Variants in PPP2R2B observed in about 807,000 individuals in gnomAD.
PPP2R2B encodes serine/threonine-protein phosphatase 2A 55 kDa regulatory subunit B beta isoform.
In PPP2R2B, 5 loss-of-function variants were observed where a neutral mutation model predicts 46.0. The observed-to-expected ratio is 0.11, with a 90% CI of 0.06 to 0.23. The LOEUF (loss-of-function observed/expected upper bound fraction) is 0.23. PPP2R2B is among the 10% of genes least tolerant of loss of function. The pLI is 1.00. For missense variants in PPP2R2B, 367 were observed against 575.0 expected (o/e 0.64, Z 3.70); for synonymous variants, 215 against 206.7 (o/e 1.04, Z -0.34).
At chr5:146,878,834 C>A, upstream of PPP2R2B, 2 of 1,246,788 alleles carry the variant, frequency 1.6e-6, no homozygotes, top group East Asian at 3.7e-5. This position sits in a 1 kb window ranked among gnomAD's most constrained non-coding sequence, Gnocchi z 4.5. Context: ...GACTCTTTCC[C>A]AGCAGCAGTG....
intron 2 of PPP2R2B, among the ~76,000 whole-genome samples, chr5:146,829,838 A>G (rs917326956): frequency 1.3e-5 from 2 of 152,132 alleles, no homozygotes; most frequent in African/African-American, 2.4e-5. Flanking sequence ...AATTTTGATA[A>G]TCTATTTTCA....
chr5:146,666,507 G>A (rs1298447886), intron 5 of PPP2R2B, among the ~76,000 whole-genome samples: 1 of 152,308 alleles, frequency 6.6e-6, no homozygotes, highest in East Asian at 1.9e-4. Context: ...CATCTTTAAT[G>A]AGCACAACTT....
At chr5:147,020,167 T>C (rs1755195911) in intron 1 of PPP2R2B, among the ~76,000 whole-genome samples, 1 of 152,134 alleles carries the variant, frequency 6.6e-6, no homozygotes, top group African/African-American at 2.4e-5. Context: ...TTCTCCATAG[T>C]CATTCCTTCT....
chr5:147,052,770 G>A (rs1756893939), intron 1 of PPP2R2B, among the ~76,000 whole-genome samples: 1 of 152,062 alleles, frequency 6.6e-6, no homozygotes, highest in Non-Finnish European at 1.5e-5. Context: ...GGTTTTAAAT[G>A]TGAGTGTTTG....
In PPP2R2B at chr5:146,590,188, A is replaced by G. The variant is rs1192337652; in HGVS notation, c.1091T>C (p.Met364Thr). 1 of 1,613,658 alleles carries G rather than the reference A, an allele frequency of 6.2e-7. No homozygotes were observed. The highest frequency in any genetic ancestry group is 8.5e-7 in the Non-Finnish European group (1 of 1,180,010). ...MTGSYNNFFR[M>T]FDRNTKRDVT... ...ATCACGCTTGGTGTTTCTGTCGAAC[A>G]TCCTGAAGAAGTTGTTGTAGGAGCC... The change falls in exon 10 of 10, where the codon ATG (methionine) becomes ACG (threonine). Residue 364 changes from methionine (M) to threonine (T), a missense_variant. Transcript: ENST00000394411.
chr5:146,751,435 T>G (rs549908284), intron 2 of PPP2R2B: 1 of 152,364 alleles, frequency 6.6e-6, no homozygotes, highest in East Asian at 1.9e-4. Context: ...AGGACCTATG[T>G]GGTCTGGCCC....
intron 1 of PPP2R2B, among the ~76,000 whole-genome samples, chr5:147,018,303 C>T (rs963869443): frequency 6.6e-6 from 1 of 152,016 alleles, no homozygotes; most frequent in Non-Finnish European, 1.5e-5. Flanking sequence ...TTCTATCATC[C>T]AGTCATGACA....
intron 5 of PPP2R2B, among the ~76,000 whole-genome samples, chr5:146,680,398 G>A (rs1320496492): frequency 7.2e-6 from 1 of 138,888 alleles, no homozygotes; most frequent in Non-Finnish European, 1.5e-5. Context: ...ACTGTTGTGG[G>A]GTGGGGTGGG....
At chr5:146,804,376 A>G (rs1026707558) in intron 2 of PPP2R2B, among the ~76,000 whole-genome samples, 1 of 152,134 alleles carries the variant, frequency 6.6e-6, no homozygotes, top group Non-Finnish European at 1.5e-5. Context: ...AGGTGTCACT[A>G]CTAGCATCTG....
intron 2 of PPP2R2B, among the ~76,000 whole-genome samples, chr5:146,824,934 G>T (rs1274821949): frequency 6.6e-6 from 1 of 151,978 alleles, no homozygotes; most frequent in Non-Finnish European, 1.5e-5. Flanking sequence ...TGTTGGCCAG[G>T]CTTGTCTTGA....
chr5:147,042,788 A>G (rs190833860), intron 1 of PPP2R2B, among the ~76,000 whole-genome samples: 2 of 152,220 alleles, frequency 1.3e-5, no homozygotes, highest in African/African-American at 2.4e-5. Context: ...CTTTTCAGAC[A>G]AAGTAGGCAG....
chr5:146,617,963 G>C (rs1430874059), intron 7 of PPP2R2B, among the ~76,000 whole-genome samples: 2 of 152,048 alleles, frequency 1.3e-5, no homozygotes, highest in Non-Finnish European at 2.9e-5. Flanking sequence ...CAAAGTGCTG[G>C]GATTACAGGA....
chr5:146,998,824 A>T (rs540986297), intron 1 of PPP2R2B, among the ~76,000 whole-genome samples: 2 of 151,834 alleles, frequency 1.3e-5, no homozygotes, highest in Non-Finnish European at 2.9e-5. Context: ...ATCCTGAGGG[A>T]TTCAGCAAAA....
intron 1 of PPP2R2B, among the ~76,000 whole-genome samples, chr5:146,936,655 G>A (rs996104686): frequency 1.3e-5 from 2 of 149,090 alleles, no homozygotes; most frequent in African/African-American, 4.9e-5. Context: ...AAGCACTAAA[G>A]CTCTCTCTGA....
chr5:147,029,065 G>C (rs1755657362), intron 1 of PPP2R2B, among the ~76,000 whole-genome samples: 1 of 152,084 alleles, frequency 6.6e-6, no homozygotes. Flanking sequence ...GTAGTCACCT[G>C]CTTTGCTAAC....
intron 1 of PPP2R2B, among the ~76,000 whole-genome samples, chr5:146,990,993 G>A (rs1302152398): frequency 6.6e-6 from 1 of 152,000 alleles, no homozygotes; most frequent in Non-Finnish European, 1.5e-5. Context: ...TAATCATCAA[G>A]AGAATGCAAA....
intron 2 of PPP2R2B, among the ~76,000 whole-genome samples, chr5:146,865,144 C>A (rs989070608): frequency 3.3e-5 from 5 of 152,116 alleles, no homozygotes; most frequent in Non-Finnish European, 7.4e-5. Context: ...CATTATTAGG[C>A]AACAGGCAAA....
intron 2 of PPP2R2B, among the ~76,000 whole-genome samples, chr5:146,851,245 A>G (rs1312184659): frequency 6.6e-6 from 1 of 152,104 alleles, no homozygotes; most frequent in East Asian, 1.9e-4. Context: ...ATTGGGCTCA[A>G]GCTCTCATCA....
At chr5:146,692,841 A>G (rs988835353) in intron 4 of PPP2R2B, among the ~76,000 whole-genome samples, 1 of 151,970 alleles carries the variant, frequency 6.6e-6, no homozygotes, top group Non-Finnish European at 1.5e-5. Flanking sequence ...GCCTAATTCA[A>G]TTATTTAAGG....
Sources: gnomAD v4.1 joint callset for allele counts (sites outside exome capture counted in the v4.1 genomes callset) on GRCh38, gnomAD v4.1.1 for gene constraint, Gnocchi (gnomAD v3.1) non-coding constraint, MANE v1.5 for transcripts, NCBI Gene and HGNC (gene_info 2026-07-23, HGNC 2026-07-21) for gene names.